MTUS2: variants seen among roughly 807,000 people sequenced by gnomAD.
MTUS2 encodes the protein microtubule-associated tumor suppressor candidate 2.
Under a neutral mutation model 114.1 loss-of-function variants are expected in MTUS2, and 40 were observed. The observed-to-expected ratio is 0.35, with a 90% CI of 0.27 to 0.46. The LOEUF is 0.46. Among genes scored for constraint, MTUS2 ranks in the 20% least tolerant of loss-of-function variants. The probability of loss-of-function intolerance (pLI) is 1.00; values close to 1 mark genes in which losing one functional copy is unlikely to be tolerated. For synonymous variants in MTUS2, 688 were observed against 672.0 expected (o/e 1.02, Z -0.37); for missense variants, 1,679 against 1,705.4 (o/e 0.98, Z 0.27).
intron 5 of MTUS2, among the ~76,000 whole-genome samples, chr13:29,221,105 C>T (rs548134592): frequency 2.0e-4 from 30 of 152,238 alleles, no homozygotes; most frequent in African/African-American, 7.0e-4. Flanking sequence ...CCATGTCACC[C>T]ACTCTATGTA....
intron 8 of MTUS2, among the ~76,000 whole-genome samples, chr13:29,369,078 G>A (rs558769223): frequency 6.6e-6 from 1 of 152,044 alleles, no homozygotes; most frequent in East Asian, 1.9e-4. Flanking sequence ...GAACCAGACA[G>A]CAGAAGAAAA....
At chr13:28,840,711 A>G (rs1205990854) in intron 2 of MTUS2, among the ~76,000 whole-genome samples, 1 of 152,174 alleles carries the variant, frequency 6.6e-6, no homozygotes, top group African/African-American at 2.4e-5. Flanking sequence ...CCTTGTTGGG[A>G]TTCAACTCAT....
intron 2 of MTUS2, among the ~76,000 whole-genome samples, chr13:28,854,024 T>C (rs1434393424): frequency 1.3e-5 from 2 of 152,202 alleles, no homozygotes; most frequent in African/African-American, 4.8e-5. Flanking sequence ...TCAAAGCTTC[T>C]TACAGTTAGG....
chr13:29,308,485 A>G (rs1329871598), intron 6 of MTUS2, among the ~76,000 whole-genome samples: 1 of 152,246 alleles, frequency 6.6e-6, no homozygotes. Flanking sequence ...CATTCAGGAC[A>G]TAGGCACGGG....
chr13:29,022,870 G>C (rs145437446), intron 2 of MTUS2, among the ~76,000 whole-genome samples: 1 of 152,240 alleles, frequency 6.6e-6, no homozygotes, highest in East Asian at 1.9e-4. Flanking sequence ...CAGAAATAAC[G>C]CTGATCTTCC....
At chr13:29,216,018 G>C (rs1324648870) in intron 5 of MTUS2, among the ~76,000 whole-genome samples, 2 of 152,200 alleles carry the variant, frequency 1.3e-5, no homozygotes, top group Non-Finnish European at 2.9e-5. Flanking sequence ...AGGGAGATCG[G>C]AGTTTTATCT....
chr13:28,849,055 G>T (rs188791038), intron 2 of MTUS2, among the ~76,000 whole-genome samples: 5 of 152,234 alleles, frequency 3.3e-5, no homozygotes, highest in Admixed American at 2.6e-4. Context: ...GAATAGTTTC[G>T]ATGATCACTT....
chr13:28,906,240 A>G (rs1015348104), intron 2 of MTUS2, among the ~76,000 whole-genome samples: 8 of 150,778 alleles, frequency 5.3e-5, no homozygotes, highest in East Asian at 1.9e-4. Flanking sequence ...AGTGTTTTTT[A>G]TGTCTCTATT....
intron 8 of MTUS2, among the ~76,000 whole-genome samples, chr13:29,360,701 C>CAA (rs1870166033): frequency 1.1e-5 from 1 of 91,192 alleles, no homozygotes; most frequent in African/African-American, 3.4e-5. Flanking sequence ...CCCCCCCCCC[C>CAA]GTAAGAATTA....
chr13:29,365,936 G>A (rs1335390158), intron 8 of MTUS2, among the ~76,000 whole-genome samples: 2 of 152,180 alleles, frequency 1.3e-5, no homozygotes, highest in Admixed American at 6.5e-5. Flanking sequence ...GAGGAGATAT[G>A]GTTTTCTCAG....
intron 4 of MTUS2, among the ~76,000 whole-genome samples, chr13:29,045,931 C>T (rs901390097): frequency 1.3e-5 from 2 of 152,084 alleles, no homozygotes; most frequent in Non-Finnish European, 2.9e-5. Context: ...TAACAGCAAA[C>T]ATCCCCTGAC....
At chr13:29,501,816 GCATA>G (rs887835623) in intron 15 of MTUS2, among the ~76,000 whole-genome samples, 11 of 142,824 alleles carry the variant, frequency 7.7e-5, no homozygotes, top group African/African-American at 2.1e-4. Context: ...TCGTGCATAT[GCATA>G]CACTCACATG....
chr13:29,306,823 T>A (rs1211541810), intron 6 of MTUS2: 1 of 450,756 alleles, frequency 2.2e-6, no homozygotes, highest in Non-Finnish European at 4.4e-6. Context: ...TCATGTTAGG[T>A]GTCTGGTCAC....
chr13:29,140,862 A>T (rs1157823015), intron 5 of MTUS2, among the ~76,000 whole-genome samples: 1 of 152,132 alleles, frequency 6.6e-6, no homozygotes, highest in African/African-American at 2.4e-5. Flanking sequence ...AAACACAGCA[A>T]AGTATATGCT....
chr13:28,923,256 C>T (rs928565618), intron 2 of MTUS2, among the ~76,000 whole-genome samples: 12 of 152,006 alleles, frequency 7.9e-5, no homozygotes, highest in Admixed American at 7.2e-4. Flanking sequence ...TGCTAACATC[C>T]GATTCATCTC....
At chr13:29,440,114 C>T in intron 9 of MTUS2, 65 bp downstream of exon 9, 1 of 1,478,500 alleles carries the variant, frequency 6.8e-7, no homozygotes, top group East Asian at 2.5e-5. Context: ...TGAATGTGTA[C>T]CAAAAGCAAT....
Position 29,025,090 on chromosome 13 carries a change from G to A in MTUS2, c.392G>A (p.Ser131Asn), listed in dbSNP as rs376722630. Residue 131 changes from serine (S) to asparagine (N), a missense_variant, in exon 3 of 16, where the codon AGT becomes AAT. Ser to Asn is a conservative substitution (Grantham distance 46, BLOSUM62 1). Coordinates refer to ENST00000612955, the MANE Select transcript of MTUS2 (RefSeq NM_001033602.4). The part of the protein sequence containing the change: ...LQTTRSIQGP[S>N]LSSWRNVMSE... Reference sequence around the variant, plus strand: ...ACCACGCGGAGTATTCAGGGACCAAGTCTGTCGAGTTGGAGGAATGTGATG... The same window carrying A: ...ACCACGCGGAGTATTCAGGGACCAAATCTGTCGAGTTGGAGGAATGTGATG... 8.9e-5 allele frequency: 143 copies of A among 1,613,932 alleles called. 1 individual carries two copies. The African/African-American group carries it at 1.2e-3, about 14-fold the overall frequency.
chr13:29,042,955 C>A (rs568484584), intron 4 of MTUS2, among the ~76,000 whole-genome samples: 15 of 152,070 alleles, frequency 9.9e-5, no homozygotes, highest in East Asian at 9.6e-4. Context: ...TTTTTTCTTA[C>A]AATTGTATTT....
intron 2 of MTUS2, among the ~76,000 whole-genome samples, chr13:28,995,339 C>G (rs183772638): frequency 2.0e-4 from 30 of 152,280 alleles, no homozygotes; most frequent in African/African-American, 7.2e-4. Context: ...AGTGTGATGC[C>G]TCCAGCTTTG....
Sources: gnomAD v4.1 joint callset for allele counts (sites outside exome capture counted in the v4.1 genomes callset) on GRCh38, gnomAD v4.1.1 for gene constraint, MANE v1.5 for transcripts, NCBI Gene and HGNC (gene_info 2026-07-23, HGNC 2026-07-21) for gene names.